The following VPS13D variants were observed in gnomAD, a reference collection of about 807,000 sequenced individuals.
VPS13D encodes the protein vacuolar protein sorting 13 homolog D, also known as intermembrane lipid transfer protein VPS13D.
In VPS13D, 187 loss-of-function variants were observed where a neutral mutation model predicts 461.9. The ratio of observed to expected loss-of-function variants is 0.40; its 90% CI spans 0.36 to 0.46. The LOEUF is 0.46. Among genes scored for constraint, VPS13D ranks in the 20% least tolerant of loss-of-function variants. The probability of loss-of-function intolerance (pLI) is 0.60; values close to 1 mark genes in which losing one functional copy is unlikely to be tolerated. For missense variants in VPS13D, 4,711 were observed against 5,364.9 expected (o/e 0.88, Z 3.81); for synonymous variants, 1,951 against 1,986.3 (o/e 0.98, Z 0.47).
At position 12,349,317 on chromosome 1, in the gene VPS13D, T is replaced by C. The variant is rs1343538019; in HGVS notation, c.9374T>C (p.Ile3125Thr). 1 of 1,614,136 alleles carries C rather than the reference T, an allele frequency of 6.2e-7. No individual in the cohort carries two copies. ...ACCAATGTAGTGAAGACTGCAGAAA[T>C]TAGTAGCAGTAAACGAGAGTGCCAC... ...HWTNVVKTAE[I>T]SSSKRECHSM... The change falls in exon 46 of 70, where the codon ATT (isoleucine) becomes ACT (threonine). Residue 3125 changes from isoleucine to threonine, a missense_variant. This residue lies in a region of VPS13D where 4,411 missense variants were observed against 4,937.8 expected (regional missense o/e 0.89). Transcript: ENST00000620676.
At chr1:12,312,303 A>G (rs954807232) in intron 29 of VPS13D, among the ~76,000 whole-genome samples, 1 of 152,220 alleles carries the variant, frequency 6.6e-6, no homozygotes, top group Non-Finnish European at 1.5e-5. Context: ...ATGGTGTTGA[A>G]TGGCAACTAA....
At chr1:12,231,459 C>T (rs573168960) in intron 1 of VPS13D, among the ~76,000 whole-genome samples, 7 of 152,312 alleles carry the variant, frequency 4.6e-5, no homozygotes, top group Admixed American at 3.3e-4. Flanking sequence ...GCATTCTTTT[C>T]CGTTTAGGGC....
intron 21 of VPS13D, among the ~76,000 whole-genome samples, chr1:12,286,236 C>T (rs1641974085): frequency 6.6e-6 from 1 of 152,106 alleles, no homozygotes; most frequent in Admixed American, 6.6e-5. Flanking sequence ...TGCCACCACA[C>T]CCTGCTAATC....
At chr1:12,409,833 A>C (rs947907991) in intron 63 of VPS13D, 1 of 455,810 alleles carries the variant, frequency 2.2e-6, no homozygotes, top group African/African-American at 2.0e-5. Flanking sequence ...GCCATTGGAA[A>C]GCTACCAAAA....
chr1:12,344,605 T>G (rs544359347), intron 42 of VPS13D, among the ~76,000 whole-genome samples: 3 of 152,288 alleles, frequency 2.0e-5, no homozygotes, highest in African/African-American at 7.2e-5. Flanking sequence ...TCATTTCTGT[T>G]TTTGTTTCCG....
At position 12,244,526 on chromosome 1, in the gene VPS13D, T is replaced by C; in HGVS notation, c.367-11T>C. On this transcript the variant is annotated splice_polypyrimidine_tract_variant and intron_variant, in intron 4 of 69. Transcript: ENST00000620676. The stretch of plus-strand genomic sequence containing the variant: ...ACTAGATTGAGCTAATGCTGACTCT[T>C]GTCTTTGTAGAATGACCGCCAGCAG... 1 of 1,614,144 alleles carries C rather than the reference T, an allele frequency of 6.2e-7. No homozygotes were observed. Among genetic ancestry groups the C allele is most frequent in the Non-Finnish European group, 8.5e-7 (1 of 1,179,954 alleles).
intron 3 of VPS13D, among the ~76,000 whole-genome samples, chr1:12,243,302 T>C (rs1640441299): frequency 6.6e-6 from 1 of 152,170 alleles, no homozygotes; most frequent in South Asian, 2.1e-4. Flanking sequence ...TCTTGCTTTG[T>C]CACCCAGGCT....
At chr1:12,365,800 T>C (rs1454548095) in intron 52 of VPS13D, among the ~76,000 whole-genome samples, 1 of 152,186 alleles carries the variant, frequency 6.6e-6, no homozygotes, top group African/African-American at 2.4e-5. Context: ...AATTTAATCT[T>C]TTATACTTTA....
intron 67 of VPS13D, among the ~76,000 whole-genome samples, chr1:12,475,925 CAG>C (rs943418483): frequency 1.6e-4 from 24 of 151,786 alleles, no homozygotes; most frequent in African/African-American, 5.8e-4. Context: ...AACACCTTGA[CAG>C]AGGCATTTTG....
chr1:12,262,171 A>G, intron 13 of VPS13D, 91 bp downstream of exon 13: 1 of 1,419,862 alleles, frequency 7.0e-7, no homozygotes, highest in Non-Finnish European at 9.5e-7. Context: ...GGGATAGTCT[A>G]GAAAGTCAGT....
At position 12,256,381 on chromosome 1, in the gene VPS13D, G is replaced by C. The variant is rs1214084575; in HGVS notation, c.718G>C (p.Glu240Gln). Reference sequence around the variant, plus strand: ...GAGTCGCAGCCATCACTACGTCCTGGAGCCTGTGTTTGCATCTGCTCTTTT... The same window carrying C: ...GAGTCGCAGCCATCACTACGTCCTGCAGCCTGTGTTTGCATCTGCTCTTTT... ...MESRSHHYVL[E>Q]PVFASALLKR... Residue 240 changes from glutamate (E) to glutamine (Q), a missense_variant, in exon 8 of 70, where the codon GAG becomes CAG. Around this residue, in one of 3 missense-constraint regions of VPS13D, gnomAD observed 4,411 missense variants for 4,937.8 expected, o/e 0.89. Transcript: ENST00000620676. The C allele has an allele frequency of 6.2e-7, 1 of 1,614,098 alleles. No individual in the cohort carries two copies. The highest frequency in any genetic ancestry group is 1.3e-5 in the African/African-American group (1 of 75,022).
chr1:12,425,201 A>C (rs1032092993), intron 65 of VPS13D, among the ~76,000 whole-genome samples: 1 of 152,148 alleles, frequency 6.6e-6, no homozygotes, highest in African/African-American at 2.4e-5. Context: ...TCTTGAAGAA[A>C]AGCTGAATCA....
intron 67 of VPS13D, among the ~76,000 whole-genome samples, chr1:12,475,683 C>G (rs901916725): frequency 6.6e-6 from 1 of 152,234 alleles, no homozygotes. Flanking sequence ...AGCCCTCCCT[C>G]TGATTTCACC....
chr1:12,402,669 T>G (rs1644596030), intron 62 of VPS13D: 1 of 152,250 alleles, frequency 6.6e-6, no homozygotes, highest in African/African-American at 2.4e-5. Context: ...TGTTTATTTG[T>G]ATTCAGACAG....
chr1:12,506,783 G>T (rs1215841760), intron 68 of VPS13D, 70 bp from the exon 69 acceptor site: 11 of 1,566,482 alleles, frequency 7.0e-6, no homozygotes, highest in African/African-American at 1.4e-5. Context: ...CACAGAGCCC[G>T]CAGTGGGCCT....
At chr1:12,461,563 G>T (rs928874954) in intron 67 of VPS13D, among the ~76,000 whole-genome samples, 1 of 152,160 alleles carries the variant, frequency 6.6e-6, no homozygotes, top group Admixed American at 6.5e-5. Context: ...GTTGTGGGGA[G>T]GGGCAGGCAG....
intron 67 of VPS13D, among the ~76,000 whole-genome samples, chr1:12,485,288 A>G (rs1645782776): frequency 6.6e-6 from 1 of 152,252 alleles, no homozygotes; most frequent in African/African-American, 2.4e-5. Context: ...ACCTGACCGC[A>G]GCAGTGACCC....
At chr1:12,350,815 A>G (rs777144792) in intron 46 of VPS13D, among the ~76,000 whole-genome samples, 24 of 152,206 alleles carry the variant, frequency 1.6e-4, no homozygotes, top group Non-Finnish European at 2.5e-4. Flanking sequence ...CTGAAGGAGA[A>G]AAGACAGAAC....
intron 67 of VPS13D, among the ~76,000 whole-genome samples, chr1:12,469,065 T>TATATATAAAAAAACAATA (rs1419029850): frequency 6.6e-6 from 1 of 151,908 alleles, no homozygotes; most frequent in Non-Finnish European, 1.5e-5. Context: ...AAAACTTTTG[T>TATATATAAAAAAACAATA]TATATTGGGC....
Sources: allele counts gnomAD v4.1 joint callset (sites outside exome capture counted in the v4.1 genomes callset), GRCh38; gene constraint gnomAD v4.1.1; regional missense constraint gnomAD v4.1.1; transcripts MANE v1.5; gene names NCBI Gene and HGNC (gene_info 2026-07-23, HGNC 2026-07-21).